Variants in NEB observed in about 807,000 individuals in gnomAD.
The protein encoded by NEB is nemaline myopathy type 2.
NEB carries 512 observed loss-of-function variants against 952.2 expected under a neutral mutation model. The ratio of observed to expected loss-of-function variants is 0.54; its 90% CI spans 0.50 to 0.58. The LOEUF (loss-of-function observed/expected upper bound fraction) is 0.58. Ranked by LOEUF, NEB falls within the 20% of genes least tolerant of loss-of-function variation. The pLI is 0.00. For synonymous variants in NEB, 2,900 were observed against 3,149.8 expected (o/e 0.92, Z 2.66); for missense variants, 8,428 against 9,231.1 (o/e 0.91, Z 3.56).
Position 151,727,790 on chromosome 2 carries a change from C to A in NEB, c.195G>T (p.Pro65=). The A allele has an allele frequency of 6.2e-7, 1 of 1,613,006 alleles. No homozygotes were observed. Among genetic ancestry groups the A allele is most frequent in the Non-Finnish European group, 8.5e-7 (1 of 1,179,406 alleles). ...PALAQPASAK[P]VERRKVIRKK... is the part of the protein sequence containing the mutation. The stretch of plus-strand genomic sequence containing the variant: ...TCCGGATGACCTTCCTCCTCTCCAC[C>A]GGCTTTGCTGATGCTGGCTGTGCCA... Residue 65 remains proline (P), a synonymous_variant, in exon 5 of 182, where the codon CCG becomes CCT. Transcript: ENST00000397345.
At chr2:151,500,528 G>T (rs1417637189) in intron 168 of NEB, among the ~76,000 whole-genome samples, 1 of 150,928 alleles carries the variant, frequency 6.6e-6, no homozygotes, top group African/African-American at 2.4e-5. Context: ...AAAATCAGAA[G>T]GCCTGGATTT....
intron 47 of NEB, among the ~76,000 whole-genome samples, 192 bp downstream of exon 47, chr2:151,658,873 C>G (rs1317244996): frequency 2.0e-5 from 3 of 152,154 alleles, no homozygotes; most frequent in Non-Finnish European, 4.4e-5. Context: ...AAATTCTTAA[C>G]TGCTTGGCCC....
intron 75 of NEB, 108 bp from the exon 76 acceptor site, chr2:151,616,217 T>A: frequency 1.3e-6 from 1 of 790,622 alleles, no homozygotes; most frequent in Non-Finnish European, 2.1e-6. Context: ...ATTCACAAAG[T>A]CAATCATTAG....
At chr2:151,691,703 A>G (rs1205285336) in intron 23 of NEB, among the ~76,000 whole-genome samples, 161 bp downstream of exon 23, 1 of 152,178 alleles carries the variant, frequency 6.6e-6, no homozygotes, top group Admixed American at 6.5e-5. Flanking sequence ...CTTCCTCAAC[A>G]TAATTGTTGT....
At chr2:151,493,479 C>G in intron 175 of NEB, 34 bp from the exon 176 acceptor site, 1 of 1,413,270 alleles carries the variant, frequency 7.1e-7, no homozygotes, top group Non-Finnish European at 9.7e-7. Context: ...AGGCATCAGA[C>G]AGCAGAAAAC....
chr2:151,644,455 G>A lies in NEB; in HGVS notation c.7644+13C>T. On this transcript the variant is annotated intron_variant, in intron 56 of 181. Coordinates refer to ENST00000397345, the MANE Select transcript of NEB (RefSeq NM_001164508.2). ...TGCAATCAAATCAATATCAACAGAG[G>A]ATAAAATCTTACTTCACTGGCAATT... 6.3e-7 allele frequency: 1 copy of A among 1,592,148 alleles called. No homozygotes were observed. Among genetic ancestry groups the A allele is most frequent in the Non-Finnish European group, 8.6e-7 (1 of 1,160,198 alleles).
In NEB at chr2:151,675,342, C is replaced by T; in HGVS notation, c.3824G>A (p.Ser1275Asn). Residue 1275 changes from serine (S) to asparagine (N), a missense_variant, in exon 35 of 182, where the codon AGT becomes AAT. Physicochemically the swap from Ser to Asn is conservative, Grantham distance 46. Transcript: ENST00000397345. ...CTGGAGAAACTGAGGAAGATCAGGA[C>T]TCATGGTGTATTTATGTTTCACATC... ...GEDVKHKYTM[S>N]PDLPQFLQAK... 6.3e-7 allele frequency: 1 copy of T among 1,594,728 alleles called. No homozygotes were observed. The highest frequency in any genetic ancestry group is 1.1e-5 in the South Asian group (1 of 87,680).
chr2:151,485,566 G>T lies in NEB; in HGVS notation c.*194C>A. On this transcript the variant is annotated 3_prime_UTR_variant, in exon 182 of 182. Coordinates refer to ENST00000397345, the MANE Select transcript of NEB (RefSeq NM_001164508.2). ...AGACTCTAGGCACAGAAATAATATT[G>T]CAGAAGCTTTTAAAGTGTCTGTTCT... 2.3e-6 allele frequency: 1 copy of T among 438,738 alleles called. No individual in the cohort carries two copies. 27.2% of individuals were successfully genotyped at this position (438,738 alleles called of 1,614,324 possible). A position where few individuals can be genotyped will look rare whatever the true frequency, so the allele number is the denominator to read the frequency against.
In NEB at chr2:151,491,750, A is replaced by G. The variant is rs781270392; in HGVS notation, c.25083T>C (p.Pro8361=). The change falls in exon 179 of 182, where the codon CCT becomes CCC. Residue 8361 remains proline, a synonymous_variant. Transcript: ENST00000397345. ...ITGLRVWRTN[P]GSVFDYDPAE... ...CTGGATCATAGTCAAAAACCGAACC[A>G]GGATTAGTACGCCAGACACGTAAAC... 3.1e-6 allele frequency: 5 copies of G among 1,594,532 alleles called. No homozygotes were observed. Among genetic ancestry groups the G allele is most frequent in the Admixed American group, 1.7e-5 (1 of 57,368 alleles).
At chr2:151,701,923 G>A (rs1397527502) in intron 13 of NEB, among the ~76,000 whole-genome samples, 71 of 135,412 alleles carry the variant, frequency 5.2e-4, no homozygotes, top group African/African-American at 1.9e-3. Flanking sequence ...GAATGTGTTT[G>A]CTCTTGCTTT....
At chr2:151,663,376 T>C (rs934615562) in intron 45 of NEB, among the ~76,000 whole-genome samples, 172 bp downstream of exon 45, 5 of 152,192 alleles carry the variant, frequency 3.3e-5, no homozygotes, top group Admixed American at 3.3e-4. Context: ...GTTTCTAGAA[T>C]TGATCTCCTT....
At chr2:151,631,053 G>C in intron 66 of NEB, 90 bp downstream of exon 66, 1 of 1,510,330 alleles carries the variant, frequency 6.6e-7, no homozygotes, top group Non-Finnish European at 9.1e-7. Context: ...GCGACCCCAC[G>C]CCTTCATAGA....
At chr2:151,546,743 G>C (rs1482379047) in intron 133 of NEB, among the ~76,000 whole-genome samples, 2 of 151,890 alleles carry the variant, frequency 1.3e-5, no homozygotes, top group Admixed American at 6.6e-5. Flanking sequence ...ATTTTTAGTA[G>C]AGACAGGGTT....
chr2:151,715,647 G>A (rs1028029299), intron 10 of NEB, among the ~76,000 whole-genome samples: 1 of 152,230 alleles, frequency 6.6e-6, no homozygotes, highest in African/African-American at 2.4e-5. Context: ...CCAGGAAGGG[G>A]TCTCTCACCA....
At chr2:151,714,051 C>A (rs1362305759) in intron 10 of NEB, among the ~76,000 whole-genome samples, 2 of 152,112 alleles carry the variant, frequency 1.3e-5, no homozygotes, top group Admixed American at 1.3e-4. Flanking sequence ...AAAGAGACTT[C>A]TTTCTACATA....
intron 62 of NEB, 71 bp from the exon 63 acceptor site, chr2:151,639,455 CA>C: frequency 9.0e-7 from 1 of 1,106,176 alleles, no homozygotes; most frequent in Non-Finnish European, 1.2e-6. Context: ...TTTAGGGCCA[CA>C]AAAACTTTAT....
intron 128 of NEB, 25 bp downstream of exon 128, chr2:151,552,647 C>T: frequency 6.4e-7 from 1 of 1,560,770 alleles, no homozygotes; most frequent in East Asian, 2.3e-5. Flanking sequence ...TTACTGTCCA[C>T]TTAACTTCCC....
chr2:151,660,823 T>C (rs1343563059), intron 46 of NEB, among the ~76,000 whole-genome samples: 1 of 152,220 alleles, frequency 6.6e-6, no homozygotes, highest in African/African-American at 2.4e-5. Context: ...CACTATACAA[T>C]AGAACTTTCT....
In NEB at chr2:151,491,778, G is replaced by A; in HGVS notation, c.25058-3C>T. On this transcript the variant is annotated splice_polypyrimidine_tract_variant and splice_region_variant and intron_variant, in intron 178 of 181. Coordinates refer to ENST00000397345, the MANE Select transcript of NEB (RefSeq NM_001164508.2). ...ATTAGTACGCCAGACACGTAAACCT[G>A]AAAGGGAAACCAGTGATCAGAACAA... 6.3e-7 allele frequency: 1 copy of A among 1,577,810 alleles called. No individual in the cohort carries two copies. Among genetic ancestry groups the A allele is most frequent in the Non-Finnish European group, 8.6e-7 (1 of 1,160,066 alleles).
Sources: gnomAD v4.1 joint callset for allele counts (sites outside exome capture counted in the v4.1 genomes callset) on GRCh38, gnomAD v4.1.1 for gene constraint, MANE v1.5 for transcripts, NCBI Gene and HGNC (gene_info 2026-07-23, HGNC 2026-07-21) for gene names.